Variants in SUGP1 observed in about 807,000 individuals in gnomAD.
SUGP1 encodes the protein SURP and G-patch domain-containing protein 1.
SUGP1 carries 34 observed loss-of-function variants against 76.5 expected under a neutral mutation model. The observed-to-expected ratio is 0.44, with a 90% CI of 0.34 to 0.59. The LOEUF is 0.59. Among genes scored for constraint, SUGP1 ranks in the 20% least tolerant of loss-of-function variants. The pLI is 0.01. For missense variants in SUGP1, 752 were observed against 851.7 expected (o/e 0.88, Z 1.46); for synonymous variants, 326 against 326.2 (o/e 1.00, Z 0.01).
At chr19:19,314,220 A>G (rs1184002851) in intron 2 of SUGP1, among the ~76,000 whole-genome samples, 1 of 152,056 alleles carries the variant, frequency 6.6e-6, no homozygotes, top group African/African-American at 2.4e-5. Flanking sequence ...GCTACTCGAG[A>G]GGCTGAGCAG....
chr19:19,318,275 G>A (rs2061410273), intron 1 of SUGP1, among the ~76,000 whole-genome samples: 2 of 151,484 alleles, frequency 1.3e-5, no homozygotes, highest in African/African-American at 4.9e-5. Flanking sequence ...CTGCCGCCAT[G>A]CCTGGCTAAT....
intron 7 of SUGP1, among the ~76,000 whole-genome samples, chr19:19,298,519 C>G (rs931519898): frequency 1.4e-4 from 22 of 151,970 alleles, no homozygotes; most frequent in African/African-American, 5.3e-4. Flanking sequence ...AAATAGTGAG[C>G]GAGCAGCAAG....
intron 5 of SUGP1, 43 bp from the exon 6 acceptor site, chr19:19,303,491 T>C (rs779676090): frequency 6.4e-7 from 1 of 1,551,710 alleles, no homozygotes; most frequent in East Asian, 2.2e-5. Flanking sequence ...AAAATAAGTA[T>C]CTGTGACAGG....
chr19:19,311,842 G>A (rs1317513022), intron 2 of SUGP1, among the ~76,000 whole-genome samples: 1 of 152,080 alleles, frequency 6.6e-6, no homozygotes, highest in Non-Finnish European at 1.5e-5. Flanking sequence ...GCTAAGCATG[G>A]TGGCTCATCC....
intron 8 of SUGP1, among the ~76,000 whole-genome samples, chr19:19,282,854 G>C (rs569499997): frequency 3.9e-5 from 6 of 152,292 alleles, no homozygotes; most frequent in South Asian, 4.2e-4. Flanking sequence ...AAGGTGGGCG[G>C]ATCACAAGGT....
intron 8 of SUGP1, among the ~76,000 whole-genome samples, chr19:19,287,673 AG>A (rs1274811934): frequency 1.2e-4 from 19 of 152,340 alleles, no homozygotes; most frequent in Admixed American, 2.6e-4. Flanking sequence ...CCAGATGATG[AG>A]GAAGAAGCCG....
intron 3 of SUGP1, 82 bp downstream of exon 3, chr19:19,310,015 G>A: frequency 9.5e-7 from 1 of 1,052,228 alleles, no homozygotes; most frequent in Non-Finnish European, 1.5e-6. Flanking sequence ...AGTCTGAGGT[G>A]GGACCCATCA....
rs762262191 is a variant in SUGP1, at chr19:19,276,604, C to T, written c.*44G>A. On this transcript the variant is annotated 3_prime_UTR_variant, in exon 14 of 14. Transcript: ENST00000247001. Reference sequence around the variant, plus strand: ...AATGCAGGCCGGAACATTCCACAGTCCAGGGACGGTTGGTCATTCAGAAAG... The same window carrying T: ...AATGCAGGCCGGAACATTCCACAGTTCAGGGACGGTTGGTCATTCAGAAAG... 1.2e-6 allele frequency: 2 copies of T among 1,613,076 alleles called. No individual in the cohort carries two copies. The highest frequency in any genetic ancestry group is 2.2e-5 in the South Asian group (2 of 90,984).
At chr19:19,311,675 CAA>C in intron 2 of SUGP1, among the ~76,000 whole-genome samples, 1 of 138,508 alleles carries the variant, frequency 7.2e-6, no homozygotes, top group African/African-American at 2.7e-5. Context: ...TGCAGTGAGC[CAA>C]GATTGCGCCA....
chr19:19,276,348 G>T lies in SUGP1; in HGVS notation c.*300C>A. The stretch of plus-strand genomic sequence containing the variant: ...TGACAGGGGTGAGACACTGCACCTG[G>T]CCTTCCAGCTTTACTATGCTGAAAA... On this transcript the variant is annotated 3_prime_UTR_variant, in exon 14 of 14. Coordinates refer to ENST00000247001, the MANE Select transcript of SUGP1 (RefSeq NM_172231.4). 2.9e-6 allele frequency: 1 copy of T among 348,354 alleles called. No individual in the cohort carries two copies. Among genetic ancestry groups the T allele is most frequent in the Non-Finnish European group, 5.4e-6 (1 of 185,946 alleles). 21.6% of individuals were successfully genotyped at this position (348,354 alleles called of 1,614,324 possible). A position where few individuals can be genotyped will look rare whatever the true frequency, so the allele number is the denominator to read the frequency against.
chr19:19,316,458 T>C lies in SUGP1; in HGVS notation c.170A>G (p.Asn57Ser). 1 of 1,613,990 alleles carries C rather than the reference T, an allele frequency of 6.2e-7. No individual in the cohort carries two copies. Residue 57 changes from asparagine (N) to serine (S), a missense_variant, in exon 2 of 14, where the codon AAT becomes AGT. Asn to Ser is a conservative substitution (Grantham distance 46). Transcript: ENST00000247001. ...TGGGGGCTGAGGGCTGGCCACCTGATTCTGCTTGGCTTTCTGTTCCATTTT... is the reference window on the plus strand; with the variant it reads ...TGGGGGCTGAGGGCTGGCCACCTGACTCTGCTTGGCTTTCTGTTCCATTTT... The part of the protein sequence containing the change: ...EAKMEQKAKQ[N>S]QVASPQPPHP...
rs747395123 is a variant in SUGP1 at position 19,297,097 on chromosome 19, C to T, written c.1135G>A (p.Val379Met). The change falls in exon 8 of 14, where the codon GTG becomes ATG. Residue 379 changes from valine (V) to methionine (M), a missense_variant. By Grantham distance (21) the Val-to-Met change is conservative (BLOSUM62 1). Transcript: ENST00000247001. ...CACCGGCTCTTCCGCTTCCTCTTCA[C>T]GGTGGCTGCGGAGGCTGGCTTCCCG... The part of the protein sequence containing the change: ...APGKPASAAT[V>M]KRKRKSRWGP... The T allele has an allele frequency of 1.9e-5, 31 of 1,613,880 alleles. No homozygotes were observed. Among genetic ancestry groups the T allele is most frequent in the South Asian group, 1.4e-4 (13 of 91,070 alleles).
intron 6 of SUGP1, among the ~76,000 whole-genome samples, chr19:19,302,877 T>C (rs558231721): frequency 1.3e-5 from 2 of 152,268 alleles, no homozygotes; most frequent in African/African-American, 4.8e-5. Flanking sequence ...GACCAGCCAG[T>C]ATTTCCCCTT....
At chr19:19,292,166 G>A (rs573089464) in intron 8 of SUGP1, among the ~76,000 whole-genome samples, 114 of 149,188 alleles carry the variant, frequency 7.6e-4, no homozygotes, top group Middle Eastern at 3.5e-3. Flanking sequence ...CCAGCTACTC[G>A]GGAGGCTGAC....
chr19:19,291,932 C>CACACAA (rs997755156), intron 8 of SUGP1, among the ~76,000 whole-genome samples: 1 of 143,586 alleles, frequency 7.0e-6, no homozygotes, highest in Non-Finnish European at 1.5e-5. Flanking sequence ...CACACACACA[C>CACACAA]AAAAGGGCCA....
intron 8 of SUGP1, among the ~76,000 whole-genome samples, chr19:19,290,099 T>C (rs930343210): frequency 1.3e-5 from 2 of 152,042 alleles, no homozygotes; most frequent in East Asian, 1.9e-4. Flanking sequence ...AAGAAGGTGG[T>C]AGACTGGCAG....
intron 10 of SUGP1, 119 bp from the exon 11 acceptor site, chr19:19,278,915 G>T: frequency 9.5e-7 from 1 of 1,054,704 alleles, no homozygotes; most frequent in Non-Finnish European, 1.4e-6. Flanking sequence ...CAGGGAAGGA[G>T]GCGGCTAGGC....
intron 8 of SUGP1, among the ~76,000 whole-genome samples, chr19:19,296,221 G>T (rs1599857059): frequency 6.6e-6 from 1 of 152,134 alleles, no homozygotes; most frequent in East Asian, 1.9e-4. Context: ...ACTGCTGGTG[G>T]GAATGTAAAA....
chr19:19,319,717 A>AG (rs1432848750), intron 1 of SUGP1, among the ~76,000 whole-genome samples: 3 of 148,132 alleles, frequency 2.0e-5, no homozygotes, highest in Non-Finnish European at 3.0e-5. Context: ...AAAAAAAAAA[A>AG]AAAAAAAAAA....
Sources: allele counts gnomAD v4.1 joint callset (sites outside exome capture counted in the v4.1 genomes callset), GRCh38; gene constraint gnomAD v4.1.1; transcripts MANE v1.5; gene names NCBI Gene and HGNC (gene_info 2026-07-23, HGNC 2026-07-21).